The following PTCHD1 variants were observed in gnomAD, a reference collection of about 807,000 sequenced individuals.
PTCHD1 encodes the protein patched domain-containing protein 1.
In PTCHD1, 3 loss-of-function variants were observed where a neutral mutation model predicts 34.6. The observed-to-expected ratio is 0.09, with a 90% confidence interval of 0.04 to 0.22. The LOEUF (loss-of-function observed/expected upper bound fraction) is 0.22. Among genes scored for constraint, PTCHD1 ranks in the 10% least tolerant of loss-of-function variants. The probability of loss-of-function intolerance (pLI) is 1.00; values close to 1 mark genes in which losing one functional copy is unlikely to be tolerated. For missense variants in PTCHD1, 504 were observed against 685.5 expected, an observed-to-expected ratio of 0.74 and a Z score of 2.96; for synonymous variants, 305 against 283.1, an observed-to-expected ratio of 1.08 and a Z score of -0.77.
At chrX:23,350,214 ACT>A (rs942026158) in intron 1 of PTCHD1, among the ~76,000 whole-genome samples, 3 of 111,053 alleles carry the variant, frequency 2.7e-5, no homozygotes, top group Non-Finnish European at 3.8e-5. Context: ...AACCTATTTA[ACT>A]CTGTCCAGTT....
chrX:23,386,203 T>C (rs1922684122), intron 2 of PTCHD1, among the ~76,000 whole-genome samples: 1 of 111,978 alleles, frequency 8.9e-6, no homozygotes, highest in African/African-American at 3.2e-5. Context: ...ACTGGTCTTA[T>C]ATAATGTACA....
At chrX:23,372,769 G>A (rs747383450) in intron 1 of PTCHD1, among the ~76,000 whole-genome samples, 25 of 111,568 alleles carry the variant, frequency 2.2e-4, no homozygotes, top group Non-Finnish European at 3.2e-4. Flanking sequence ...TGTGAGCATC[G>A]GGTCCTCTTA....
chrX:23,334,549 T>A (rs1295174015), upstream of PTCHD1: 1 of 104,845 alleles, frequency 9.5e-6, no homozygotes, highest in Admixed American at 9.8e-5. Flanking sequence ...GGAGCCCCCC[T>A]GGCGGGGAGG....
In PTCHD1 at chrX:23,335,149, C is replaced by G. The variant is rs1342117385; in HGVS notation, c.274C>G (p.Arg92Gly). The change falls in exon 1 of 3, where the codon CGC (arginine) becomes GGC (glycine). Residue 92 changes from arginine to glycine, a missense_variant. Physicochemically the swap from Arg to Gly is moderately radical, Grantham distance 125. Transcript: ENST00000379361. ...CTACTCGGACCTGCAGACCCCCGGG[C>G]GCTACGGCCGGGTCATCGTCACCTC... ...RLYSDLQTPGRYGRVIVTSFQ... is the reference protein window; with the variant it reads ...RLYSDLQTPGGYGRVIVTSFQ... 3 of 1,211,960 alleles carry G rather than the reference C, an allele frequency of 2.5e-6. No homozygotes were observed. Among genetic ancestry groups the G allele is most frequent in the Admixed American group, 4.3e-5 (2 of 46,149 alleles).
In PTCHD1 at chrX:23,400,874, G is replaced by A. The variant is rs1200254143; in HGVS notation, c.*6689G>A. On this transcript the variant is annotated 3_prime_UTR_variant, in exon 3 of 3. Transcript: ENST00000379361. The stretch of plus-strand genomic sequence containing the variant: ...TTTGTTTGTTTGTTTGTTTTTTTTT[G>A]AGATGGAGTCTCACTCTGTCACCCA... 9.2e-6 allele frequency: 1 copy of A among 108,987 alleles called. No homozygotes were observed. The highest frequency in any genetic ancestry group is 1.9e-5 in the Non-Finnish European group (1 of 52,715). 9.0% of individuals were successfully genotyped at this position (108,987 alleles called of 1,213,427 possible).
At chrX:23,357,196 A>C (rs1235712550) in intron 1 of PTCHD1, among the ~76,000 whole-genome samples, 2 of 112,005 alleles carry the variant, frequency 1.8e-5, no homozygotes, top group Admixed American at 9.5e-5. Flanking sequence ...AGTAAGGAAA[A>C]GACAAAACAG....
At chrX:23,341,804 C>G (rs1182854906) in intron 1 of PTCHD1, among the ~76,000 whole-genome samples, 1 of 112,516 alleles carries the variant, frequency 8.9e-6, no homozygotes, top group Non-Finnish European at 1.9e-5. Flanking sequence ...ATATTTTGAA[C>G]AAAAGGAGGC....
At chrX:23,354,255 C>T (rs1424065616) in intron 1 of PTCHD1, among the ~76,000 whole-genome samples, 1 of 110,466 alleles carries the variant, frequency 9.1e-6, no homozygotes, top group Non-Finnish European at 1.9e-5. Context: ...AGCGGTAGCC[C>T]TTCCTTTTCC....
chrX:23,357,433 T>G (rs1330323813), intron 1 of PTCHD1, among the ~76,000 whole-genome samples: 1 of 111,458 alleles, frequency 9.0e-6, no homozygotes, highest in African/African-American at 3.3e-5. Context: ...TATACATTGC[T>G]GGTGAGACTG....
chrX:23,391,967 C>T (rs771072473), intron 2 of PTCHD1, among the ~76,000 whole-genome samples: 131 of 110,956 alleles, frequency 1.2e-3, no homozygotes, highest in African/African-American at 4.1e-3. Context: ...AGAGATCCAC[C>T]TGCCTTAGCC....
intron 1 of PTCHD1, among the ~76,000 whole-genome samples, chrX:23,368,782 G>GAGCAC (rs1167380127): frequency 9.0e-6 from 1 of 111,722 alleles, no homozygotes; most frequent in East Asian, 2.8e-4. Context: ...AACATACATG[G>GAGCAC]CCGGGTGCGG....
At chrX:23,347,402 G>A (rs1233629786) in intron 1 of PTCHD1, among the ~76,000 whole-genome samples, 1 of 112,147 alleles carries the variant, frequency 8.9e-6, no homozygotes, top group Non-Finnish European at 1.9e-5. Flanking sequence ...GACCCTCTCT[G>A]AGGAGAAGTA....
chrX:23,335,074 C>T lies in PTCHD1; in HGVS notation c.199C>T (p.Arg67Cys). The T allele has an allele frequency of 8.3e-7, 1 of 1,211,190 alleles. No homozygotes were observed. ...CCAGCACAGCCTGGCCAAGATCGAGCGCAACCTCGTTAACAGCCTCTTCCC... is the reference window on the plus strand; with the variant it reads ...CCAGCACAGCCTGGCCAAGATCGAGTGCAACCTCGTTAACAGCCTCTTCCC... Reference protein sequence around the residue: ...APQHSLAKIERNLVNSLFPVN... With the variant: ...APQHSLAKIECNLVNSLFPVN... Residue 67 changes from arginine to cysteine, a missense_variant, in exon 1 of 3, where the codon CGC becomes TGC. Physicochemically the swap from Arg to Cys is radical, Grantham distance 180 (BLOSUM62 -3). Transcript: ENST00000379361.
intron 1 of PTCHD1, among the ~76,000 whole-genome samples, chrX:23,335,654 C>G (rs771338268): frequency 8.9e-6 from 1 of 112,181 alleles, no homozygotes; most frequent in South Asian, 3.8e-4. Flanking sequence ...AGATACCCCT[C>G]CCTGTCCTCA....
intron 1 of PTCHD1, among the ~76,000 whole-genome samples, chrX:23,358,485 G>A (rs1382774355): frequency 8.9e-6 from 1 of 111,847 alleles, no homozygotes; most frequent in Non-Finnish European, 1.9e-5. Context: ...CCCACTTTTT[G>A]ATGGGGTTGT....
intron 1 of PTCHD1, among the ~76,000 whole-genome samples, chrX:23,356,954 C>A (rs1405704377): frequency 3.6e-5 from 4 of 111,639 alleles, no homozygotes. Context: ...CGGGAGCCAA[C>A]AACACTACAA....
At chrX:23,361,657 T>C (rs921997700) in intron 1 of PTCHD1, among the ~76,000 whole-genome samples, 3 of 111,984 alleles carry the variant, frequency 2.7e-5, no homozygotes, top group African/African-American at 9.7e-5. Context: ...ACATTTAAGG[T>C]TAATATTGTT....
intron 1 of PTCHD1, among the ~76,000 whole-genome samples, chrX:23,335,594 G>A (rs1921148235): frequency 1.8e-5 from 2 of 112,861 alleles, no homozygotes. Flanking sequence ...AAGACATTCT[G>A]GAAAGTCCTA....
intron 1 of PTCHD1, among the ~76,000 whole-genome samples, chrX:23,374,673 G>A (rs917232769): frequency 1.8e-5 from 2 of 109,771 alleles, no homozygotes; most frequent in Non-Finnish European, 3.8e-5. Context: ...CTATCAGATC[G>A]GATTGCCCTG....
Sources: allele counts gnomAD v4.1 joint callset (sites outside exome capture counted in the v4.1 genomes callset), GRCh38; gene constraint gnomAD v4.1.1; transcripts MANE v1.5; gene names NCBI Gene and HGNC (gene_info 2026-07-23, HGNC 2026-07-21).